Variants in PBX1 observed in about 807,000 individuals in gnomAD.
PBX1 encodes PBX homeobox 1, also known as pre-B-cell leukemia transcription factor 1.
A neutral mutation model predicts 53.4 loss-of-function variants in PBX1; 6 were observed. That is an observed-to-expected ratio of 0.11 (90% CI 0.06 to 0.22). The LOEUF (loss-of-function observed/expected upper bound fraction) is 0.22. Ranked by LOEUF, PBX1 falls within the 10% of genes least tolerant of loss-of-function variation. PBX1 has a pLI of 1.00. For synonymous variants in PBX1, 204 were observed against 212.3 expected, an observed-to-expected ratio of 0.96 and a Z score of 0.34; for missense variants, 251 against 551.4, an observed-to-expected ratio of 0.46 and a Z score of 5.46.
chr1:164,786,714 T>TGTGCGC (rs1553246246), intron 2 of PBX1, among the ~76,000 whole-genome samples: 2 of 113,448 alleles, frequency 1.8e-5, no homozygotes, highest in Non-Finnish European at 3.6e-5. Flanking sequence ...TGTGTGTGTG[T>TGTGCGC]GTGTGTGCGC....
chr1:164,810,617 A>T (rs762716207), intron 5 of PBX1, among the ~76,000 whole-genome samples: 1 of 151,914 alleles, frequency 6.6e-6, no homozygotes, highest in South Asian at 2.1e-4. Flanking sequence ...TTCTTTTCCT[A>T]TCCCATAAAT....
rs751809158 is a variant in PBX1 at position 164,799,680 on chromosome 1, G to T, written c.511-19G>T. The T allele has an allele frequency of 6.9e-6, 11 of 1,602,764 alleles. No homozygotes were observed. The Admixed American group carries it at 1.8e-4, about 27-fold the overall frequency. The stretch of plus-strand genomic sequence containing the variant: ...GGCTTGGACCCTCAATGACGGTGTT[G>T]ATTGTCCTGCCATTCCAGGCCTGCA... On this transcript the variant is annotated intron_variant, in intron 3 of 8. Coordinates refer to ENST00000420696, the MANE Select transcript of PBX1 (RefSeq NM_002585.4).
At chr1:164,737,646 T>C (rs1188180219) in intron 2 of PBX1, among the ~76,000 whole-genome samples, 1 of 152,066 alleles carries the variant, frequency 6.6e-6, no homozygotes, top group Non-Finnish European at 1.5e-5. Context: ...GCCCAACTGA[T>C]TTTTGTATCT....
intron 2 of PBX1, among the ~76,000 whole-genome samples, chr1:164,576,342 G>A (rs1481131081): frequency 6.6e-6 from 1 of 152,216 alleles, no homozygotes; most frequent in Non-Finnish European, 1.5e-5. Context: ...TCACCGCAGG[G>A]CTGATGCGCG....
At chr1:164,797,341 G>C (rs568023849) in intron 3 of PBX1, among the ~76,000 whole-genome samples, 1 of 152,150 alleles carries the variant, frequency 6.6e-6, no homozygotes, top group Non-Finnish European at 1.5e-5. Flanking sequence ...GCAGCCCGGC[G>C]GGAGGTTGTT....
chr1:164,736,414 A>AG (rs1174839383), intron 2 of PBX1, among the ~76,000 whole-genome samples: 2 of 152,064 alleles, frequency 1.3e-5, no homozygotes, highest in Non-Finnish European at 2.9e-5. Context: ...ACCTGTCAAG[A>AG]GGGGGATGCA....
intron 2 of PBX1, among the ~76,000 whole-genome samples, chr1:164,698,903 A>AG (rs548497625): frequency 5.3e-4 from 80 of 151,642 alleles, no homozygotes; most frequent in Admixed American, 1.1e-3. Context: ...GACAGAGCAC[A>AG]GGGGGGTTTT....
chr1:164,559,930 G>A lies in PBX1; in HGVS notation c.108G>A (p.Glu36=). 6.5e-7 allele frequency: 1 copy of A among 1,548,544 alleles called. No homozygotes were observed. The highest frequency in any genetic ancestry group is 8.7e-7 in the Non-Finnish European group (1 of 1,145,470). Residue 36 remains glutamate, a synonymous_variant, in exon 1 of 9, where the codon GAG becomes GAA. Transcript: ENST00000420696. The part of the protein sequence containing the change: ...LQDGAGGTEG[E]GGRKQDIGDI... ...ATGGGGCCGGAGGGACCGAGGGGGAGGGCGGGAGGAAGCAGGACATTGGAG... is the reference window on the plus strand; with the variant it reads ...ATGGGGCCGGAGGGACCGAGGGGGAAGGCGGGAGGAAGCAGGACATTGGAG...
chr1:164,725,153 C>T (rs1306083332), intron 2 of PBX1, among the ~76,000 whole-genome samples: 1 of 152,112 alleles, frequency 6.6e-6, no homozygotes, highest in African/African-American at 2.4e-5. Context: ...GAAGGCAAAA[C>T]CAGCATCTGT....
intron 2 of PBX1, among the ~76,000 whole-genome samples, chr1:164,877,845 C>A (rs567899853): frequency 6.6e-6 from 1 of 152,330 alleles, no homozygotes; most frequent in African/African-American, 2.4e-5. Context: ...ATATTCATCA[C>A]ATCCAAAAGT....
At chr1:164,614,874 A>G (rs945945059) in intron 2 of PBX1, among the ~76,000 whole-genome samples, 3 of 152,112 alleles carry the variant, frequency 2.0e-5, no homozygotes, top group Admixed American at 6.6e-5. Flanking sequence ...CCTGGGTTCA[A>G]GCGATTCTCT....
chr1:164,829,211 G>C (rs1670628308), intron 8 of PBX1: 1 of 152,178 alleles, frequency 6.6e-6, no homozygotes, highest in African/African-American at 2.4e-5. Flanking sequence ...AGCCAGTATA[G>C]TCAATATTAT....
chr1:164,650,161 C>A (rs1176784563), intron 2 of PBX1, among the ~76,000 whole-genome samples: 1 of 151,680 alleles, frequency 6.6e-6, no homozygotes, highest in Non-Finnish European at 1.5e-5. Context: ...GATTTGGAGA[C>A]TTTTTGGAGA....
At chr1:164,824,443 C>T (rs753153924) in intron 8 of PBX1, among the ~76,000 whole-genome samples, 14 of 152,086 alleles carry the variant, frequency 9.2e-5, no homozygotes, top group Non-Finnish European at 1.5e-4. Context: ...GAAAATAAGT[C>T]GGAAAGGGAT....
intron 2 of PBX1, chr1:164,770,603 C>A (rs1667316061): frequency 1.3e-5 from 2 of 152,164 alleles, no homozygotes; most frequent in Non-Finnish European, 2.9e-5. Context: ...ATCTTACTGG[C>A]TCATCTCTAT....
At chr1:164,614,006 C>A (rs995312721) in intron 2 of PBX1, among the ~76,000 whole-genome samples, 4 of 151,916 alleles carry the variant, frequency 2.6e-5, no homozygotes, top group African/African-American at 9.7e-5. Context: ...TCCATCAACT[C>A]CCAGGATGAC....
chr1:164,653,915 G>T (rs1279209231), intron 2 of PBX1, among the ~76,000 whole-genome samples: 3 of 152,164 alleles, frequency 2.0e-5, no homozygotes, highest in Non-Finnish European at 4.4e-5. Context: ...TATAACAATA[G>T]GTGTGACAAT....
At chr1:164,770,535 T>TG (rs1264608848) in intron 2 of PBX1, 3 of 152,344 alleles carry the variant, frequency 2.0e-5, no homozygotes, top group Admixed American at 2.0e-4. Context: ...TCTGTATCTA[T>TG]GGGGGTCCAT....
intron 2 of PBX1, among the ~76,000 whole-genome samples, chr1:164,753,970 G>A (rs1197127431): frequency 6.6e-6 from 1 of 152,162 alleles, no homozygotes; most frequent in South Asian, 2.1e-4. Context: ...TGGAGAAGGG[G>A]TCAGTACTCT....
Sources: allele counts gnomAD v4.1 joint callset (sites outside exome capture counted in the v4.1 genomes callset), GRCh38; gene constraint gnomAD v4.1.1; transcripts MANE v1.5; gene names NCBI Gene and HGNC (gene_info 2026-07-23, HGNC 2026-07-21).